The following CUL5 variants were observed in gnomAD, a reference collection of about 807,000 sequenced individuals.
CUL5 encodes cullin 5.
In CUL5, 26 loss-of-function variants were observed where a neutral mutation model predicts 108.8. The ratio of observed to expected loss-of-function variants is 0.24; its 90% CI spans 0.18 to 0.33. CUL5 has a LOEUF of 0.33. CUL5 is among the 10% of genes least tolerant of loss of function. The pLI is 1.00. For missense variants in CUL5, 524 were observed against 909.2 expected (o/e 0.58, Z 5.45); for synonymous variants, 334 against 298.0 (o/e 1.12, Z -1.25).
Position 108,008,973 on chromosome 11 carries a change from T to C in CUL5, c.-376T>C, listed in dbSNP as rs1861986721. On this transcript the variant is annotated 5_prime_UTR_variant, in exon 1 of 19. Transcript: ENST00000393094. ...GGGGCCTAAGCCGAGCTAAATTCGT[T>C]GCAGGTGGCCGCGGCGGGTGCAACC... 1 of 240,354 alleles carries C rather than the reference T, an allele frequency of 4.2e-6. No individual in the cohort carries two copies. The highest frequency in any genetic ancestry group is 8.1e-6 in the Non-Finnish European group (1 of 123,848). 14.9% of individuals were successfully genotyped at this position (240,354 alleles called of 1,614,324 possible).
At chr11:108,009,570 C>T (rs1591265492) in intron 1 of CUL5, among the ~76,000 whole-genome samples, 198 bp downstream of exon 1, 1 of 151,758 alleles carries the variant, frequency 6.6e-6, no homozygotes, top group East Asian at 2.0e-4. Context: ...GTGGTCGCTC[C>T]CGCCGACTGG....
chr11:108,073,258 C>A, intron 9 of CUL5, 132 bp from the exon 10 acceptor site: 1 of 552,276 alleles, frequency 1.8e-6, no homozygotes, highest in South Asian at 2.5e-5. Flanking sequence ...TATTGGAACA[C>A]CTTTTAGTTT....
chr11:108,094,541 AT>A (rs1565269242), intron 14 of CUL5, 27 bp downstream of exon 14: 2 of 1,174,104 alleles, frequency 1.7e-6, no homozygotes, highest in East Asian at 2.8e-5. Context: ...ACATGTATAT[AT>A]TTTTTAAACT....
chr11:108,050,374 T>C (rs1369825697), intron 4 of CUL5, among the ~76,000 whole-genome samples: 1 of 151,612 alleles, frequency 6.6e-6, no homozygotes. Flanking sequence ...TTGTACTCTT[T>C]TTTTTTTTTT....
chr11:108,032,776 T>G (rs1054511969), intron 1 of CUL5, among the ~76,000 whole-genome samples: 1 of 152,192 alleles, frequency 6.6e-6, no homozygotes, highest in African/African-American at 2.4e-5. Flanking sequence ...GCCTGGAGTT[T>G]CCATTTCTTA....
intron 2 of CUL5, among the ~76,000 whole-genome samples, chr11:108,045,706 T>TA (rs1203241765): frequency 6.6e-6 from 1 of 151,128 alleles, no homozygotes; most frequent in African/African-American, 2.4e-5. Flanking sequence ...CAACAAAATT[T>TA]AAAAAAAAAT....
intron 13 of CUL5, among the ~76,000 whole-genome samples, chr11:108,090,791 A>G (rs1435473044): frequency 1.3e-5 from 2 of 152,094 alleles, no homozygotes; most frequent in Non-Finnish European, 2.9e-5. Flanking sequence ...AGTGCGAGCA[A>G]GCACACACGA....
chr11:108,018,605 G>T (rs1862257913), intron 1 of CUL5, among the ~76,000 whole-genome samples: 1 of 152,116 alleles, frequency 6.6e-6, no homozygotes, highest in South Asian at 2.1e-4. Flanking sequence ...AACCCACGAG[G>T]CAGAGGTTGC....
chr11:108,066,387 A>C (rs760225541), intron 7 of CUL5, among the ~76,000 whole-genome samples: 2 of 152,118 alleles, frequency 1.3e-5, no homozygotes, highest in Non-Finnish European at 2.9e-5. Context: ...CCTGATTTTT[A>C]AGACCCTTCA....
Position 108,094,962 on chromosome 11 carries a change from G to T in CUL5, c.1718G>T (p.Trp573Leu). 6.2e-7 allele frequency: 1 copy of T among 1,610,124 alleles called. No individual in the cohort carries two copies. The highest frequency in any genetic ancestry group is 1.1e-5 in the South Asian group (1 of 90,196). ...AATCATAGTGGTAGAAAATTACATT[G>T]GCATCATCTCATGTCAAATGGAATT... ...KKNHSGRKLH[W>L]HHLMSNGIIT... Residue 573 changes from tryptophan (W) to leucine (L), a missense_variant, in exon 15 of 19, where the codon TGG (tryptophan) becomes TTG (leucine). By Grantham distance (61) the Trp-to-Leu change is moderately conservative. This residue lies in a region of CUL5 where 64 missense variants were observed against 152.0 expected (regional missense o/e 0.42). Transcript: ENST00000393094.
intron 7 of CUL5, among the ~76,000 whole-genome samples, chr11:108,058,208 C>CAAA (rs371453494): frequency 2.8e-5 from 2 of 71,884 alleles, no homozygotes; most frequent in African/African-American, 5.3e-5. Flanking sequence ...GACTCTGTCT[C>CAAA]AAAAAAAAAA....
At chr11:108,027,916 C>A (rs1174563927) in intron 1 of CUL5, among the ~76,000 whole-genome samples, 1 of 152,158 alleles carries the variant, frequency 6.6e-6, no homozygotes, top group Admixed American at 6.5e-5. Flanking sequence ...ATACCATACT[C>A]TTGGTTTTCT....
chr11:108,041,881 C>A (rs574510897), intron 2 of CUL5, among the ~76,000 whole-genome samples: 1 of 152,146 alleles, frequency 6.6e-6, no homozygotes, highest in Non-Finnish European at 1.5e-5. Context: ...CGTGAACCAC[C>A]GCACCAGGCC....
chr11:108,080,953 A>ATTATTTAT lies in CUL5; in HGVS notation c.1178+2744_1178+2751dup, dbSNP rs140725296. Reference sequence around the variant, plus strand: ...CATATTTAGATCATGAAGATTTATCATTATTTATTTATTTATTTATTTATT... The same window carrying ATTATTTAT: ...CATATTTAGATCATGAAGATTTATCATTATTTATTTATTTATTTATTTATTTATTTATT... On this transcript the variant is annotated intron_variant, in intron 11 of 18. Coordinates refer to ENST00000393094, the MANE Select transcript of CUL5 (RefSeq NM_003478.6). 4.1e-3 allele frequency among the ~76,000 whole-genome samples: 605 copies of ATTATTTAT among 148,822 alleles called. 3 individuals are homozygous for ATTATTTAT. The highest frequency in any genetic ancestry group is 6.3e-3 in the Non-Finnish European group (424 of 67,382).
At chr11:108,046,604 C>T (rs1026725097) in intron 3 of CUL5, 24 of 339,936 alleles carry the variant, frequency 7.1e-5, no homozygotes, top group African/African-American at 4.1e-4. Context: ...GATGCTATAG[C>T]GAATTCAGTT....
intron 2 of CUL5, among the ~76,000 whole-genome samples, chr11:108,043,124 G>A (rs1237848814): frequency 6.6e-6 from 1 of 152,232 alleles, no homozygotes; most frequent in Non-Finnish European, 1.5e-5. Flanking sequence ...TCAGGCTGGA[G>A]TGCAGTGGCA....
chr11:108,017,262 C>T (rs900027630), intron 1 of CUL5, among the ~76,000 whole-genome samples: 8 of 151,650 alleles, frequency 5.3e-5, no homozygotes, highest in East Asian at 1.9e-4. Context: ...TGGTGGTGTA[C>T]GGTTTTAGTT....
intron 2 of CUL5, among the ~76,000 whole-genome samples, chr11:108,035,798 G>A (rs1456949524): frequency 6.6e-6 from 1 of 151,900 alleles, no homozygotes; most frequent in African/African-American, 2.4e-5. Flanking sequence ...TTGAGTATAT[G>A]CCTGCTTTTG....
rs769402039 is a variant in CUL5 at position 108,054,815 on chromosome 11, T to A, written c.699+23T>A. The A allele has an allele frequency of 1.9e-6, 3 of 1,603,414 alleles. No homozygotes were observed. The Admixed American group carries it at 5.2e-5, about 28-fold the overall frequency. Reference sequence around the variant, plus strand: ...TATGTAAGTTAGAACTTAGTATATGTGATAATTTGAGCAATTCCCTTGATA... The same window carrying A: ...TATGTAAGTTAGAACTTAGTATATGAGATAATTTGAGCAATTCCCTTGATA... On this transcript the variant is annotated intron_variant, in intron 6 of 18. Coordinates refer to ENST00000393094, the MANE Select transcript of CUL5 (RefSeq NM_003478.6).
Sources: allele counts gnomAD v4.1 joint callset (sites outside exome capture counted in the v4.1 genomes callset), GRCh38; gene constraint gnomAD v4.1.1; regional missense constraint gnomAD v4.1.1; transcripts MANE v1.5; gene names NCBI Gene and HGNC (gene_info 2026-07-23, HGNC 2026-07-21).